The following FBXL17 variants were observed in gnomAD, a reference collection of about 807,000 sequenced individuals.
FBXL17 encodes F-box/LRR-repeat protein 17.
A neutral mutation model predicts 66.2 loss-of-function variants in FBXL17; 22 were observed. The observed-to-expected ratio is 0.33, with a 90% CI of 0.24 to 0.47. FBXL17 has a LOEUF of 0.47. FBXL17 is among the 20% of genes least tolerant of loss of function. The pLI, the probability that FBXL17 is intolerant of heterozygous loss-of-function variation, is 1.00. For missense variants in FBXL17, 878 were observed against 948.2 expected, an observed-to-expected ratio of 0.93 and a Z score of 0.97; for synonymous variants, 474 against 400.5, an observed-to-expected ratio of 1.18 and a Z score of -2.19.
chr5:108,101,171 G>A (rs1462293073), intron 6 of FBXL17, among the ~76,000 whole-genome samples: 1 of 152,248 alleles, frequency 6.6e-6, no homozygotes, highest in East Asian at 1.9e-4. Context: ...GAGAGGCATT[G>A]AAGAACCTCT....
intron 7 of FBXL17, among the ~76,000 whole-genome samples, chr5:107,979,559 C>T (rs917750752): frequency 8.5e-5 from 13 of 152,200 alleles, no homozygotes; most frequent in African/African-American, 2.9e-4. Context: ...GCCAGCATCC[C>T]TTGCTGAGAC....
chr5:108,258,657 G>T (rs6870480), intron 4 of FBXL17, among the ~76,000 whole-genome samples: 2 of 151,772 alleles, frequency 1.3e-5, no homozygotes, highest in Non-Finnish European at 2.9e-5. Flanking sequence ...CTCTTATTAG[G>T]TAGATGCCCA....
intron 6 of FBXL17, among the ~76,000 whole-genome samples, chr5:108,079,931 GT>G (rs1748700199): frequency 1.3e-5 from 2 of 152,170 alleles, no homozygotes; most frequent in Non-Finnish European, 2.9e-5. Flanking sequence ...CTACATTTTT[GT>G]TCACTTCAAC....
At chr5:108,261,346 T>G (rs1331080048) in intron 4 of FBXL17, among the ~76,000 whole-genome samples, 1 of 151,956 alleles carries the variant, frequency 6.6e-6, no homozygotes, top group Non-Finnish European at 1.5e-5. Flanking sequence ...ATCAAAGATC[T>G]CAGAATGGAA....
chr5:108,298,210 C>A, intron 4 of FBXL17: 1 of 980,744 alleles, frequency 1.0e-6, no homozygotes, highest in Non-Finnish European at 1.2e-6. Flanking sequence ...ATATACAATG[C>A]CCCAACAATA....
At chr5:108,233,819 T>C (rs1755476782) in intron 4 of FBXL17, among the ~76,000 whole-genome samples, 1 of 152,126 alleles carries the variant, frequency 6.6e-6, no homozygotes, top group Non-Finnish European at 1.5e-5. Flanking sequence ...AGCTTCAGTT[T>C]AGAAATCTTA....
intron 7 of FBXL17, among the ~76,000 whole-genome samples, chr5:107,990,829 T>A (rs1409035192): frequency 6.6e-6 from 1 of 152,160 alleles, no homozygotes; most frequent in African/African-American, 2.4e-5. Flanking sequence ...TGTGTATGTA[T>A]CTTCTCAGAG....
Position 107,861,776 on chromosome 5 carries a change from A to C in FBXL17, c.2050T>G (p.Leu684Val). The change falls in exon 9 of 9, where the codon TTG (leucine) becomes GTG (valine). Residue 684 changes from leucine to valine, a missense_variant. By Grantham distance (32) the Leu-to-Val change is conservative (BLOSUM62 1). Coordinates refer to ENST00000542267, the MANE Select transcript of FBXL17 (RefSeq NM_001163315.3). The part of the protein sequence containing the change: ...STVLQDCKRT[L>V]ERAYQMGWTP... ...CAGCCCATCTGATAGGCTCTCTCCA[A>C]GGTCCTCTTGCAGTCCTGCAGGACG... is the stretch of plus-strand genomic sequence containing the variant. 6.3e-7 allele frequency: 1 copy of C among 1,588,746 alleles called. No individual in the cohort carries two copies. The highest frequency in any genetic ancestry group is 1.7e-5 in the Admixed American group (1 of 57,240).
At chr5:107,982,795 C>G (rs1004731984) in intron 7 of FBXL17, among the ~76,000 whole-genome samples, 5 of 152,158 alleles carry the variant, frequency 3.3e-5, no homozygotes, top group African/African-American at 7.2e-5. Flanking sequence ...GTTGTACTTT[C>G]ATAATTAAGG....
chr5:108,091,377 T>C lies in FBXL17; in HGVS notation c.1746-70376A>G, dbSNP rs1384568933. 5.3e-5 allele frequency among the ~76,000 whole-genome samples: 8 copies of C among 152,358 alleles called. No homozygotes were observed. In the East Asian group the frequency reaches 1.3e-3, roughly 26 times the overall value. ...GAGTAAATGTTATAAACATTTGAAC[T>C]TGCATGACAAAATTACAGTAACAAA... On this transcript the variant is annotated intron_variant, in intron 6 of 8. Coordinates refer to ENST00000542267, the MANE Select transcript of FBXL17 (RefSeq NM_001163315.3).
At position 107,859,787 on chromosome 5, in the gene FBXL17, C is replaced by T. The variant is rs991783984; in HGVS notation, c.*1933G>A. ...TAGTATGACATATATAAAAATTAAA[C>T]TTTTGCATATTCACTCAAGCTACTA... On this transcript the variant is annotated 3_prime_UTR_variant, in exon 9 of 9. Coordinates refer to ENST00000542267, the MANE Select transcript of FBXL17 (RefSeq NM_001163315.3). The T allele has an allele frequency of 2.6e-5, 4 of 151,880 alleles. No individual in the cohort carries two copies. Among genetic ancestry groups the T allele is most frequent in the African/African-American group, 9.7e-5 (4 of 41,334 alleles). The allele number at this position is 151,880 out of a possible 1,614,324, so 9.4% of individuals were successfully genotyped here. A position where few individuals can be genotyped will look rare whatever the true frequency, so the allele number is the denominator to read the frequency against.
chr5:108,229,385 C>G (rs1230369017), intron 4 of FBXL17, among the ~76,000 whole-genome samples: 2 of 152,094 alleles, frequency 1.3e-5, no homozygotes, highest in African/African-American at 4.8e-5. Flanking sequence ...GCCAATGGAA[C>G]AGAATAGAGA....
intron 7 of FBXL17, among the ~76,000 whole-genome samples, chr5:107,998,731 C>T (rs546489278): frequency 6.6e-6 from 1 of 152,156 alleles, no homozygotes; most frequent in Non-Finnish European, 1.5e-5. Context: ...TAACATCTTC[C>T]TTATTGTTGA....
chr5:108,361,876 C>T (rs1383008069), intron 3 of FBXL17, among the ~76,000 whole-genome samples: 2 of 152,126 alleles, frequency 1.3e-5, no homozygotes, highest in Non-Finnish European at 2.9e-5. Context: ...CCCTCTGGAA[C>T]CAGGGATCTG....
At chr5:108,325,382 C>T (rs970081464) in intron 4 of FBXL17, among the ~76,000 whole-genome samples, 4 of 151,986 alleles carry the variant, frequency 2.6e-5, no homozygotes, top group African/African-American at 9.7e-5. Context: ...AAGGAGGAAA[C>T]AATTCTAAGG....
intron 4 of FBXL17, chr5:108,302,039 C>T (rs766824200): frequency 2.4e-4 from 237 of 984,672 alleles, no homozygotes; most frequent in Middle Eastern, 1.0e-3. Context: ...CATTTCTGTG[C>T]GCCAACCCAT....
intron 7 of FBXL17, among the ~76,000 whole-genome samples, chr5:107,931,987 G>A (rs1459723048): frequency 6.6e-6 from 1 of 152,102 alleles, no homozygotes; most frequent in African/African-American, 2.4e-5. Flanking sequence ...ACAGATTCCT[G>A]AATCCCACTT....
intron 4 of FBXL17, among the ~76,000 whole-genome samples, chr5:108,280,709 A>G (rs1432312380): frequency 6.8e-6 from 1 of 147,006 alleles, no homozygotes; most frequent in Non-Finnish European, 1.5e-5. Flanking sequence ...TCCAATTAAA[A>G]GCTATACATT....
chr5:108,086,621 T>C lies in FBXL17; in HGVS notation c.1746-65620A>G, dbSNP rs539462452. Among the ~76,000 whole-genome samples the C allele has an allele frequency of 6.6e-3, 1,000 of 152,308 alleles. 6 individuals are homozygous for C. The highest frequency in any genetic ancestry group is 9.7e-3 in the Non-Finnish European group (661 of 68,024). On this transcript the variant is annotated intron_variant, in intron 6 of 8. Transcript: ENST00000542267. ...TTGCCCAGGCTGGAGTGCAGTGGCA[T>C]GATCTCCGATCACTGCGACCTCCGC...
Sources: gnomAD v4.1 joint callset for allele counts (sites outside exome capture counted in the v4.1 genomes callset) on GRCh38, gnomAD v4.1.1 for gene constraint, MANE v1.5 for transcripts, NCBI Gene and HGNC (gene_info 2026-07-23, HGNC 2026-07-21) for gene names.